The following LRIF1 variants were observed in gnomAD, a reference collection of about 807,000 sequenced individuals.
LRIF1 encodes the protein ligand-dependent nuclear receptor-interacting factor 1.
In LRIF1, 32 loss-of-function variants were observed where a neutral mutation model predicts 52.7. That is an observed-to-expected ratio of 0.61 (90% CI 0.46 to 0.82). LRIF1 has a LOEUF of 0.82. Among genes scored for constraint, LRIF1 ranks in the 40% least tolerant of loss-of-function variants. The pLI is 0.00. For synonymous variants in LRIF1, 323 were observed against 317.4 expected (o/e 1.02, Z -0.19); for missense variants, 887 against 892.0 (o/e 0.99, Z 0.07).
rs748690553 is a variant in LRIF1 at position 110,948,073 on chromosome 1, T to C, written c.2196A>G (p.Thr732=). 4 of 1,614,106 alleles carry C rather than the reference T, an allele frequency of 2.5e-6. No individual in the cohort carries two copies. The Admixed American group carries it at 6.7e-5, about 27-fold the overall frequency. ...GAATGGTTTCTTCTAACTCCGGTGG[T>C]GTCACTGGGAAAATATCTTCGGTAT... ...KNYTEDIFPV[T]PPELEETIRD... Residue 732 remains threonine, a synonymous_variant, in exon 4 of 4, where the codon ACA becomes ACG. Transcript: ENST00000369763.
chr1:110,902,478 C>T, the LRIF1 span, among the ~76,000 whole-genome samples: 2 of 62,426 alleles, frequency 3.2e-5, no homozygotes, highest in African/African-American at 5.5e-5. Flanking sequence ...GTGATCAAAT[C>T]GAACTAAATC....
the LRIF1 span, among the ~76,000 whole-genome samples, chr1:110,923,065 G>T: frequency 6.6e-6 from 1 of 152,172 alleles, no homozygotes; most frequent in African/African-American, 2.4e-5. Flanking sequence ...AGCACTTTGG[G>T]AGGCTGAGGC....
intron 1 of LRIF1, among the ~76,000 whole-genome samples, chr1:110,959,591 A>G (rs1187615920): frequency 1.3e-5 from 2 of 152,052 alleles, no homozygotes; most frequent in African/African-American, 4.8e-5. Context: ...CTCTACTAAA[A>G]ATACAAAAAT....
Position 110,947,948 on chromosome 1 carries a change from T to C in LRIF1, c.*11A>G, listed in dbSNP as rs1416304301. The C allele has an allele frequency of 1.3e-6, 2 of 1,565,160 alleles. No homozygotes were observed. Among genetic ancestry groups the C allele is most frequent in the Non-Finnish European group, 1.7e-6 (2 of 1,160,564 alleles). On this transcript the variant is annotated 3_prime_UTR_variant, in exon 4 of 4. Coordinates refer to ENST00000369763, the MANE Select transcript of LRIF1 (RefSeq NM_018372.4). ...AAAACAGCTATTTCACTGAAGTCTT[T>C]ACAGGAGATTTTATTTTTGGTGCAT... is the stretch of plus-strand genomic sequence containing the variant.
chr1:110,882,176 G>C, the LRIF1 span, among the ~76,000 whole-genome samples: 1 of 152,006 alleles, frequency 6.6e-6, no homozygotes, highest in African/African-American at 2.4e-5. Context: ...AGAACTCTTT[G>C]CATAACCAAG....
At chr1:110,879,992 G>A in the LRIF1 span, among the ~76,000 whole-genome samples, 108,836 of 152,074 alleles carry the variant, frequency 0.72, 41,348 homozygotes, top group Non-Finnish European at 0.84. Flanking sequence ...TTAGAAATCC[G>A]CAGGTTCTAC....
chr1:110,916,054 C>A, the LRIF1 span, among the ~76,000 whole-genome samples: 1 of 151,890 alleles, frequency 6.6e-6, no homozygotes, highest in African/African-American at 2.4e-5. Flanking sequence ...TTCAAAAAAA[C>A]AAAAACTGAA....
the LRIF1 span, chr1:110,941,500 C>T: frequency 1.3e-5 from 2 of 151,884 alleles, no homozygotes; most frequent in Non-Finnish European, 2.9e-5. Context: ...TAATTCATAC[C>T]CCTGCAAGAA....
chr1:110,928,771 C>T, the LRIF1 span, among the ~76,000 whole-genome samples: 14 of 152,144 alleles, frequency 9.2e-5, no homozygotes, highest in African/African-American at 3.1e-4. Context: ...CTATATTTAA[C>T]AACCAGCAAG....
the LRIF1 span, among the ~76,000 whole-genome samples, chr1:110,882,947 T>C: frequency 1.3e-5 from 2 of 152,082 alleles, no homozygotes; most frequent in African/African-American, 4.8e-5. Flanking sequence ...TTAGTTCTAG[T>C]AGTATTTTTG....
chr1:110,881,820 G>A, the LRIF1 span, among the ~76,000 whole-genome samples: 1 of 152,104 alleles, frequency 6.6e-6, no homozygotes, highest in Non-Finnish European at 1.5e-5. Context: ...GATGTGGAGT[G>A]GTATCTTACC....
intron 1 of LRIF1, among the ~76,000 whole-genome samples, chr1:110,959,297 T>C (rs890993047): frequency 6.6e-6 from 1 of 152,196 alleles, no homozygotes; most frequent in African/African-American, 2.4e-5. Flanking sequence ...AATGTACTTA[T>C]CCTCTTTGAA....
At position 110,963,772 on chromosome 1, in the gene LRIF1, A is replaced by T. The variant is rs1659067520; in HGVS notation, c.-84T>A. The stretch of plus-strand genomic sequence containing the variant: ...TCCCAATGGGGCGAGAACCAGAGCG[A>T]GGGAATGTTGGGCTGGAGTTGCCCA... On this transcript the variant is annotated 5_prime_UTR_variant, in exon 1 of 4. Transcript: ENST00000369763. 8.7e-7 allele frequency: 1 copy of T among 1,146,816 alleles called. No homozygotes were observed. The highest frequency in any genetic ancestry group is 1.3e-6 in the Non-Finnish European group (1 of 787,896). The allele number at this position is 1,146,816 out of a possible 1,614,324, so 71.0% of individuals were successfully genotyped here.
At chr1:110,876,572 G>A in the LRIF1 span, among the ~76,000 whole-genome samples, 1 of 152,034 alleles carries the variant, frequency 6.6e-6, no homozygotes, top group South Asian at 2.1e-4. Context: ...TTTAAAACTT[G>A]TTAAAGTTTA....
the LRIF1 span, among the ~76,000 whole-genome samples, chr1:110,893,886 A>G: frequency 6.6e-6 from 1 of 152,132 alleles, no homozygotes; most frequent in South Asian, 2.1e-4. Flanking sequence ...CATGGCTAGG[A>G]CCCTTCTTTC....
At chr1:110,942,598 G>A (rs563356706), downstream of LRIF1, among the ~76,000 whole-genome samples, 1 of 152,158 alleles carries the variant, frequency 6.6e-6, no homozygotes, top group South Asian at 2.1e-4. Flanking sequence ...GGTGAGCAAT[G>A]GTCGGATTCC....
chr1:110,948,778 A>C (rs1413955991), intron 3 of LRIF1, among the ~76,000 whole-genome samples: 1 of 152,352 alleles, frequency 6.6e-6, no homozygotes, highest in Non-Finnish European at 1.5e-5. Context: ...CTAGTCTCTG[A>C]TCTAAAGTTC....
At chr1:110,933,345 C>T in the LRIF1 span, among the ~76,000 whole-genome samples, 1 of 152,160 alleles carries the variant, frequency 6.6e-6, no homozygotes, top group Non-Finnish European at 1.5e-5. Context: ...CAACTATCTA[C>T]ACAGAAAGAA....
rs970991508 is a variant in LRIF1 at position 110,948,935 on chromosome 1, T to A, written c.1870-536A>T. On this transcript the variant is annotated intron_variant, in intron 3 of 3. Coordinates refer to ENST00000369763, the MANE Select transcript of LRIF1 (RefSeq NM_018372.4). ...ATGCATGCTTATATCTTCTACTACA[T>A]TTGAATTATTTCCTTTAGATAGAGT... 2.4e-4 allele frequency among the ~76,000 whole-genome samples: 36 copies of A among 152,166 alleles called. 1 individual carries two copies. The highest frequency in any genetic ancestry group is 2.3e-3 in the Admixed American group (35 of 15,280).
Sources: allele counts gnomAD v4.1 joint callset (sites outside exome capture counted in the v4.1 genomes callset), GRCh38; gene constraint gnomAD v4.1.1; transcripts MANE v1.5; gene names NCBI Gene and HGNC (gene_info 2026-07-23, HGNC 2026-07-21).